The following MROH1 variants were observed in gnomAD, a reference collection of about 807,000 sequenced individuals.
MROH1 encodes the protein maestro heat like repeat family member 1.
A neutral mutation model predicts 116.5 loss-of-function variants in MROH1; 117 were observed. That is an observed-to-expected ratio of 1.00 (90% CI 0.86 to 1.17). The LOEUF (loss-of-function observed/expected upper bound fraction) is 1.17. Ranked by LOEUF, MROH1 falls within the 50% of genes most tolerant of loss-of-function variation. MROH1 has a pLI of 0.00. For synonymous variants in MROH1, 921 were observed against 583.9 expected (o/e 1.58, Z -8.32); for missense variants, 1,873 against 1,338.5 (o/e 1.40, Z -6.23).
intron 3 of MROH1, among the ~76,000 whole-genome samples, chr8:144,166,862 G>A (rs895080359): frequency 6.6e-6 from 1 of 152,228 alleles, no homozygotes; most frequent in Non-Finnish European, 1.5e-5. Context: ...AGCAGATGCA[G>A]ACCCAGTTCA....
intron 33 of MROH1, 129 bp downstream of exon 33, chr8:144,250,495 C>T (rs1251303794): frequency 7.6e-5 from 53 of 698,176 alleles, no homozygotes; most frequent in Non-Finnish European, 1.3e-4. Flanking sequence ...CTGTAGGCCA[C>T]GTGGGACAGA....
chr8:144,249,171 T>C lies in MROH1; in HGVS notation c.3273+142T>C. The C allele has an allele frequency of 4.6e-6, 3 of 659,064 alleles. No homozygotes were observed. The East Asian group carries it at 8.1e-5, about 18-fold the overall frequency. 40.8% of individuals were successfully genotyped at this position (659,064 alleles called of 1,614,324 possible). On this transcript the variant is annotated intron_variant, in intron 32 of 43. Transcript: ENST00000326134. ...CAGTGAGGCTGGCCCTGGCCTGTCC[T>C]GGACCACCCTGCCCAGCCCTCCTCG...
In MROH1 at chr8:144,261,853, C is replaced by CA; in HGVS notation, c.*114dup. On this transcript the variant is annotated 3_prime_UTR_variant, in exon 44 of 44. Coordinates refer to ENST00000326134, the MANE Select transcript of MROH1 (RefSeq NM_032450.3). The stretch of plus-strand genomic sequence containing the variant: ...GCACACGACTGGAGGGGCCTGGCCC[C>CA]AGAACAGGCACTGCTGGGGACCAAA... 1.4e-6 allele frequency: 1 copy of CA among 693,300 alleles called. No individual in the cohort carries two copies. Among genetic ancestry groups the CA allele is most frequent in the South Asian group, 1.5e-5 (1 of 66,388 alleles). 42.9% of individuals were successfully genotyped at this position (693,300 alleles called of 1,614,324 possible).
Position 144,255,071 on chromosome 8 carries a change from C to T in MROH1, c.3594+93C>T, listed in dbSNP as rs959893362. On this transcript the variant is annotated intron_variant, in intron 34 of 43. Coordinates refer to ENST00000326134, the MANE Select transcript of MROH1 (RefSeq NM_032450.3). The stretch of plus-strand genomic sequence containing the variant: ...AGGCCTTTTGATGAGGTGGCCCGGA[C>T]GCCACCCCACAGGCACCTGGAGGCA... The T allele has an allele frequency of 1.0e-2, 6,475 of 648,122 alleles. 46 individuals carry two copies. Among genetic ancestry groups the T allele is most frequent in the Middle Eastern group, 0.025 (60 of 2,426 alleles). The allele number at this position is 648,122 out of a possible 1,614,324, so 40.1% of individuals were successfully genotyped here.
intron 1 of MROH1, among the ~76,000 whole-genome samples, chr8:144,157,491 C>G (rs1818435784): frequency 6.6e-6 from 1 of 152,104 alleles, no homozygotes; most frequent in African/African-American, 2.4e-5. Flanking sequence ...GGTATTATTT[C>G]TTCCTTCCAT....
In MROH1 at chr8:144,242,624, C is replaced by T; in HGVS notation, c.2348C>T (p.Thr783Ile). The T allele has an allele frequency of 1.3e-6, 1 of 780,068 alleles. No homozygotes were observed. The highest frequency in any genetic ancestry group is 1.3e-5 in the South Asian group (1 of 74,540). The allele number at this position is 780,068 out of a possible 1,614,324, so 48.3% of individuals were successfully genotyped here. Residue 783 changes from threonine to isoleucine, a missense_variant, in exon 24 of 44, where the codon ACC becomes ATC. Transcript: ENST00000326134. Reference protein sequence around the residue: ...STKVLGIKVETKDPALKLCLV... With the variant: ...STKVLGIKVEIKDPALKLCLV... ...CAGGTTCTAGGAATAAAGGTAGAAA[C>T]CAAGGTACAGTGTGTAGGAATTAAG...
rs868477442 is a variant in MROH1 at position 144,209,922 on chromosome 8, G to A, written c.1141+9381G>A. 3.4e-3 allele frequency among the ~76,000 whole-genome samples: 448 copies of A among 131,904 alleles called. 2 individuals carry two copies. Among genetic ancestry groups the A allele is most frequent in the Middle Eastern group, 0.017 (4 of 242 alleles). 86.5% of individuals were successfully genotyped at this position (131,904 alleles called of 152,430 possible). ...CCCTGTCTCAAAAAAAAAAAAAAAA[G>A]GGAAGGAAATGTAGAAACCACATAA... On this transcript the variant is annotated intron_variant, in intron 12 of 43. Transcript: ENST00000326134.
intron 33 of MROH1, chr8:144,251,266 G>A (rs1327979822): frequency 6.5e-6 from 1 of 153,058 alleles, no homozygotes; most frequent in Non-Finnish European, 1.5e-5. Context: ...GCACTTGTCT[G>A]GTGGCCCTGC....
chr8:144,159,367 A>G (rs1818937007), intron 1 of MROH1, among the ~76,000 whole-genome samples: 1 of 152,346 alleles, frequency 6.6e-6, no homozygotes, highest in East Asian at 1.9e-4. Context: ...TCAAAAAGAA[A>G]GGAGAGAGAG....
At position 144,248,852 on chromosome 8, in the gene MROH1, A is replaced by G. The variant is rs1443237172; in HGVS notation, c.3121-25A>G. The G allele has an allele frequency of 7.7e-6, 6 of 776,064 alleles. No individual in the cohort carries two copies. The African/African-American group carries it at 1.0e-4, about 13-fold the overall frequency. 48.1% of individuals were successfully genotyped at this position (776,064 alleles called of 1,614,324 possible). On this transcript the variant is annotated intron_variant, in intron 31 of 43. Coordinates refer to ENST00000326134, the MANE Select transcript of MROH1 (RefSeq NM_032450.3). ...CGTTGGGGGTGCCCCCCTTCCCTCAACCTCTGGCATCGCCTTCCTCCTAGA... is the reference window on the plus strand; with the variant it reads ...CGTTGGGGGTGCCCCCCTTCCCTCAGCCTCTGGCATCGCCTTCCTCCTAGA...
chr8:144,225,738 T>A (rs548885612), intron 14 of MROH1, among the ~76,000 whole-genome samples: 2 of 151,732 alleles, frequency 1.3e-5, no homozygotes, highest in Non-Finnish European at 2.9e-5. Flanking sequence ...TTTTAAATTT[T>A]TAGTAGACAC....
chr8:144,220,704 C>T, intron 13 of MROH1, 31 bp downstream of exon 13: 1 of 1,543,794 alleles, frequency 6.5e-7, no homozygotes, highest in Non-Finnish European at 8.8e-7. Context: ...CAGGCTGCAC[C>T]ACCACACCAC....
intron 7 of MROH1, among the ~76,000 whole-genome samples, chr8:144,186,283 A>G (rs1827148410): frequency 6.6e-6 from 1 of 151,814 alleles, no homozygotes; most frequent in Non-Finnish European, 1.5e-5. Context: ...CACCACACCC[A>G]GCTAATTTTT....
chr8:144,240,521 C>A, intron 19 of MROH1, 49 bp from the exon 20 acceptor site: 1 of 712,978 alleles, frequency 1.4e-6, no homozygotes, highest in Non-Finnish European at 2.6e-6. Flanking sequence ...TCCAGCCAGC[C>A]CTGTGAGGGG....
intron 10 of MROH1, among the ~76,000 whole-genome samples, chr8:144,193,902 C>G (rs1172069482): frequency 6.6e-6 from 1 of 151,970 alleles, no homozygotes; most frequent in Non-Finnish European, 1.5e-5. Flanking sequence ...AGCCACGGAG[C>G]CCAGCCAAGA....
In MROH1 at chr8:144,192,349, G is replaced by C; in HGVS notation, c.896G>C (p.Ser299Thr). 1 of 1,600,276 alleles carries C rather than the reference G, an allele frequency of 6.2e-7. No homozygotes were observed. The highest frequency in any genetic ancestry group is 8.5e-7 in the Non-Finnish European group (1 of 1,176,266). The change falls in exon 10 of 44, where the codon AGC (serine) becomes ACC (threonine). Residue 299 changes from serine (S) to threonine (T), a missense_variant. Physicochemically the swap from Ser to Thr is moderately conservative, Grantham distance 58. Coordinates refer to ENST00000326134, the MANE Select transcript of MROH1 (RefSeq NM_032450.3). ...QILEAAVSVGSRTLETQLDAL... is the reference protein window; with the variant it reads ...QILEAAVSVGTRTLETQLDAL... ...CTCGAGGCAGCTGTGAGTGTGGGCA[G>C]CCGCACACTGGAGACCCAGCTGGAT...
intron 12 of MROH1, among the ~76,000 whole-genome samples, chr8:144,208,270 C>A (rs1030976973): frequency 6.6e-6 from 1 of 152,134 alleles, no homozygotes; most frequent in East Asian, 1.9e-4. Context: ...TATGGATGTC[C>A]AGTTGTTCCA....
intron 33 of MROH1, 198 bp downstream of exon 33, chr8:144,250,564 G>C (rs1179074771): frequency 1.5e-6 from 1 of 650,176 alleles, no homozygotes; most frequent in Non-Finnish European, 2.8e-6. Context: ...CTCCTCTCCA[G>C]GCGTTTTGGG....
At chr8:144,257,438 T>C (rs1221192530) in intron 35 of MROH1, among the ~76,000 whole-genome samples, 1 of 152,112 alleles carries the variant, frequency 6.6e-6, no homozygotes, top group African/African-American at 2.4e-5. Flanking sequence ...GAGACCCCCG[T>C]GGCCCTCAGC....
Sources: allele counts gnomAD v4.1 joint callset (sites outside exome capture counted in the v4.1 genomes callset), GRCh38; gene constraint gnomAD v4.1.1; transcripts MANE v1.5; gene names NCBI Gene and HGNC (gene_info 2026-07-23, HGNC 2026-07-21).